The following LSG1 variants were observed in gnomAD, a reference collection of about 807,000 sequenced individuals.
LSG1 encodes large 60S subunit nuclear export GTPase 1.
Under a neutral mutation model 82.6 loss-of-function variants are expected in LSG1, and 55 were observed. The observed-to-expected ratio is 0.67, with a 90% CI of 0.54 to 0.83. The LOEUF (loss-of-function observed/expected upper bound fraction) is 0.83, where lower values mean the gene tolerates loss of function less well. LSG1 is among the 40% of genes least tolerant of loss of function. LSG1 has a pLI of 0.00. For synonymous variants in LSG1, 272 were observed against 282.5 expected (o/e 0.96, Z 0.37); for missense variants, 809 against 807.9 (o/e 1.00, Z -0.02).
chr3:194,645,557 C>CACACACACAGACAG, intron 12 of LSG1, among the ~76,000 whole-genome samples: 1 of 55,984 alleles, frequency 1.8e-5, no homozygotes, highest in South Asian at 7.6e-4. Flanking sequence ...CACACACACA[C>CACACACACAGACAG]ACACACACAC....
In LSG1 at chr3:194,651,106, C is replaced by T. The variant is rs1458503377; in HGVS notation, c.1275+9G>A. On this transcript the variant is annotated intron_variant, in intron 9 of 13. Transcript: ENST00000265245. Reference sequence around the variant, plus strand: ...GCTGCATGCAAGTGGCAAAGCACCACAGAAATACCTGAAAGTGCTTTGTGT... The same window carrying T: ...GCTGCATGCAAGTGGCAAAGCACCATAGAAATACCTGAAAGTGCTTTGTGT... 3 of 1,614,040 alleles carry T rather than the reference C, an allele frequency of 1.9e-6. No homozygotes were observed. The highest frequency in any genetic ancestry group is 1.7e-6 in the Non-Finnish European group (2 of 1,179,882).
chr3:194,646,816 C>T (rs1167040984), intron 11 of LSG1, among the ~76,000 whole-genome samples: 1 of 152,232 alleles, frequency 6.6e-6, no homozygotes, highest in East Asian at 1.9e-4. Flanking sequence ...GCACTACACC[C>T]AGCCTCCTTA....
Position 194,642,008 on chromosome 3 carries a change from G to T in LSG1, c.*60C>A, listed in dbSNP as rs540161078. 25 of 1,563,416 alleles carry T rather than the reference G, an allele frequency of 1.6e-5. No homozygotes were observed. The African/African-American group carries it at 3.1e-4, about 20-fold the overall frequency. ...TCTTGGGACGGTTCCACAGGCAACA[G>T]GCAGCTTCTGCTCTTTTCCATCTGC... On this transcript the variant is annotated 3_prime_UTR_variant, in exon 14 of 14. Coordinates refer to ENST00000265245, the MANE Select transcript of LSG1 (RefSeq NM_018385.3).
intron 11 of LSG1, 114 bp from the exon 12 acceptor site, chr3:194,646,357 T>G: frequency 1.4e-6 from 1 of 712,196 alleles, no homozygotes. Flanking sequence ...TTTTAAAAAA[T>G]TAGGTATCAT....
In LSG1 at chr3:194,650,972, A is replaced by T. The variant is rs1311668553; in HGVS notation, c.1328T>A (p.Met443Lys). The change falls in exon 10 of 14, where the codon ATG becomes AAG. Residue 443 changes from methionine to lysine, a missense_variant. Physicochemically the swap from Met to Lys is moderately conservative, Grantham distance 95 (BLOSUM62 -1). Coordinates refer to ENST00000265245, the MANE Select transcript of LSG1 (RefSeq NM_018385.3). ...LCLCDCPGLV[M>K]PSFVSTKAEM... is the part of the protein sequence containing the mutation. ...TGCCTTGGTAGACACAAAAGATGGCATCACCAAGCCAGGACAGTCACACAG... is the reference window on the plus strand; with the variant it reads ...TGCCTTGGTAGACACAAAAGATGGCTTCACCAAGCCAGGACAGTCACACAG... The T allele has an allele frequency of 6.2e-7, 1 of 1,614,248 alleles. No homozygotes were observed. Among genetic ancestry groups the T allele is most frequent in the Non-Finnish European group, 8.5e-7 (1 of 1,180,042 alleles).
rs1434997156 is a variant in LSG1, at chr3:194,644,393, AAT to A, written c.1797+178_1797+179del. Among the ~76,000 whole-genome samples the A allele has an allele frequency of 5.5e-4, 71 of 128,646 alleles. 4 individuals are homozygous for A. The highest frequency in any genetic ancestry group is 1.7e-3 in the East Asian group (7 of 4,090). 84.4% of individuals were successfully genotyped at this position (128,646 alleles called of 152,430 possible). A position where few individuals can be genotyped will look rare whatever the true frequency, so the allele number is the denominator to read the frequency against. ...CAAAAAAAAAAAATAAAAATAAATA[AAT>A]AAATAAATAAATAAATAAATAAATA... On this transcript the variant is annotated intron_variant, in intron 13 of 13. Coordinates refer to ENST00000265245, the MANE Select transcript of LSG1 (RefSeq NM_018385.3).
At chr3:194,644,388 AAAT>A (rs1184321398) in intron 13 of LSG1, among the ~76,000 whole-genome samples, 182 bp downstream of exon 13, 1,088 of 87,324 alleles carry the variant, frequency 0.012, 46 homozygotes, top group African/African-American at 0.028. Flanking sequence ...AAATAAAAAT[AAAT>A]AAATAAATAA....
At chr3:194,662,640 T>A (rs1434638166) in intron 5 of LSG1, among the ~76,000 whole-genome samples, 2 of 152,154 alleles carry the variant, frequency 1.3e-5, no homozygotes, top group Non-Finnish European at 2.9e-5. Context: ...CGCGTGCCTG[T>A]AATCCCAGCT....
At chr3:194,652,180 C>T (rs532273910) in intron 8 of LSG1, among the ~76,000 whole-genome samples, 2 of 152,302 alleles carry the variant, frequency 1.3e-5, no homozygotes, top group African/African-American at 2.4e-5. Flanking sequence ...AGAGCCATGT[C>T]GTAGCCCCTC....
chr3:194,654,801 A>T (rs759288363), intron 7 of LSG1, among the ~76,000 whole-genome samples: 1 of 152,204 alleles, frequency 6.6e-6, no homozygotes, highest in Non-Finnish European at 1.5e-5. Context: ...AGAAGGAAAA[A>T]GTCAAGCTTT....
Position 194,652,970 on chromosome 3 carries a change from G to A in LSG1, c.932C>T (p.Pro311Leu). Residue 311 changes from proline (P) to leucine (L), a missense_variant, in exon 8 of 14, where the codon CCA becomes CTA. Transcript: ENST00000265245. ...DEDDSEYEDC[P>L]EEEEDDWQTC... ...CTGCCAGTCGTCTTCCTCCTCCTCTGGACAGTCCTCATACTCACTGTCATC... is the reference window on the plus strand; with the variant it reads ...CTGCCAGTCGTCTTCCTCCTCCTCTAGACAGTCCTCATACTCACTGTCATC... 1 of 1,614,060 alleles carries A rather than the reference G, an allele frequency of 6.2e-7. No individual in the cohort carries two copies. The highest frequency in any genetic ancestry group is 8.5e-7 in the Non-Finnish European group (1 of 1,180,006).
At chr3:194,644,519 G>T (rs556892840) in intron 13 of LSG1, 54 bp downstream of exon 13, 1 of 1,415,234 alleles carries the variant, frequency 7.1e-7, no homozygotes, top group Non-Finnish European at 9.8e-7. Flanking sequence ...ACTCAATAAA[G>T]CTGTTATAAA....
rs143725108 is a variant in LSG1, at chr3:194,650,439, C to T, written c.1419+442G>A. Among the ~76,000 whole-genome samples the T allele has an allele frequency of 1.2e-4, 19 of 152,314 alleles. No homozygotes were observed. The East Asian group carries it at 2.7e-3, about 22-fold the overall frequency. ...GAATAACAGCAGTATCTGCCTTAAG[C>T]GTTGCTTTTTGAGGACTAAAAGGTA... On this transcript the variant is annotated intron_variant, in intron 10 of 13. Transcript: ENST00000265245.
chr3:194,653,447 G>A (rs111430861), intron 7 of LSG1, among the ~76,000 whole-genome samples: 14,001 of 151,846 alleles, frequency 0.092, 1,081 homozygotes, highest in African/African-American at 0.21. Flanking sequence ...CCTGAGAGGC[G>A]GAGGGTGCAG....
In LSG1 at chr3:194,641,953, A is replaced by G. The variant is rs1718400501; in HGVS notation, c.*115T>C. 8.8e-7 allele frequency: 1 copy of G among 1,142,732 alleles called. No individual in the cohort carries two copies. The highest frequency in any genetic ancestry group is 1.3e-6 in the Non-Finnish European group (1 of 799,972). 70.8% of individuals were successfully genotyped at this position (1,142,732 alleles called of 1,614,324 possible). A position where few individuals can be genotyped will look rare whatever the true frequency, so the allele number is the denominator to read the frequency against. ...ACTGTTGGGTGCAGCCGTGCTCTGC[A>G]AGAGCAGGGCCCGTTCTACAGTGCT... On this transcript the variant is annotated 3_prime_UTR_variant, in exon 14 of 14. Transcript: ENST00000265245.
intron 1 of LSG1, 100 bp downstream of exon 1, chr3:194,671,964 G>A (rs1719146608): frequency 1.9e-6 from 2 of 1,074,916 alleles, no homozygotes; most frequent in African/African-American, 3.1e-5. Context: ...AAACCCGGCT[G>A]AGGCGTCCCT....
chr3:194,655,683 C>T (rs577831957), intron 7 of LSG1, among the ~76,000 whole-genome samples: 1 of 152,146 alleles, frequency 6.6e-6, no homozygotes, highest in South Asian at 2.1e-4. Context: ...CATAAAAACG[C>T]TTGGCATAAG....
intron 2 of LSG1, among the ~76,000 whole-genome samples, chr3:194,666,881 CT>C (rs1719040677): frequency 6.6e-6 from 1 of 152,088 alleles, no homozygotes; most frequent in Non-Finnish European, 1.5e-5. Flanking sequence ...CATCTGGTAG[CT>C]TGTTAAAAAT....
chr3:194,662,173 A>G (rs1718947231), intron 5 of LSG1, among the ~76,000 whole-genome samples: 1 of 152,240 alleles, frequency 6.6e-6, no homozygotes, highest in African/African-American at 2.4e-5. Flanking sequence ...ATCCATCTGA[A>G]CAGTGAGCTC....
Sources: gnomAD v4.1 joint callset for allele counts (sites outside exome capture counted in the v4.1 genomes callset) on GRCh38, gnomAD v4.1.1 for gene constraint, MANE v1.5 for transcripts, NCBI Gene and HGNC (gene_info 2026-07-23, HGNC 2026-07-21) for gene names.